NSMCE2: variants seen among roughly 807,000 people sequenced by gnomAD.
NSMCE2 encodes NSE2 SUMO ligase component of SMC5/6 complex.
NSMCE2 carries 24 observed loss-of-function variants against 23.8 expected under a neutral mutation model. That is an observed-to-expected ratio of 1.01 (90% confidence interval 0.73 to 1.42). The LOEUF is 1.42. Among genes scored for constraint, NSMCE2 ranks in the 40% most tolerant of loss-of-function variants. The pLI is 0.00. For missense variants in NSMCE2, 284 were observed against 296.5 expected, an observed-to-expected ratio of 0.96 and a Z score of 0.31; for synonymous variants, 92 against 94.1, an observed-to-expected ratio of 0.98 and a Z score of 0.13.
At chr8:125,360,753 G>A (rs1231032376) in intron 7 of NSMCE2, among the ~76,000 whole-genome samples, 1 of 152,204 alleles carries the variant, frequency 6.6e-6, no homozygotes, top group African/African-American at 2.4e-5. Context: ...GCACATTAGA[G>A]TGATGAGTAT....
rs767225480 is a variant in NSMCE2, at chr8:125,366,904, A to G, written c.*19A>G. 89 of 1,384,644 alleles carry G rather than the reference A, an allele frequency of 6.4e-5. No homozygotes were observed. The highest frequency in any genetic ancestry group is 9.0e-5 in the Non-Finnish European group (87 of 970,792). The allele number at this position is 1,384,644 out of a possible 1,614,324, so 85.8% of individuals were successfully genotyped here. A position where few individuals can be genotyped will look rare whatever the true frequency, so the allele number is the denominator to read the frequency against. ...CGAGTAGGAAAAGCCACCTGCCTGCAGGGACACCAGCAGCCTACCTCCTAC... is the reference window on the plus strand; with the variant it reads ...CGAGTAGGAAAAGCCACCTGCCTGCGGGGACACCAGCAGCCTACCTCCTAC... On this transcript the variant is annotated 3_prime_UTR_variant, in exon 8 of 8. Transcript: ENST00000287437.
At chr8:125,146,680 G>T (rs1163267508) in intron 3 of NSMCE2, among the ~76,000 whole-genome samples, 1 of 152,114 alleles carries the variant, frequency 6.6e-6, no homozygotes, top group African/African-American at 2.4e-5. Flanking sequence ...CTCACTCATA[G>T]GTGGGAATTG....
chr8:125,224,787 G>T (rs763646146), intron 5 of NSMCE2, among the ~76,000 whole-genome samples: 11 of 152,154 alleles, frequency 7.2e-5, no homozygotes, highest in Non-Finnish European at 1.5e-4. Context: ...AGGATATTGA[G>T]GCTCATAAGA....
chr8:125,095,817 G>A (rs1269578188), intron 1 of NSMCE2, among the ~76,000 whole-genome samples: 1 of 149,488 alleles, frequency 6.7e-6, no homozygotes, highest in South Asian at 2.1e-4. Flanking sequence ...GGGAGGCGTA[G>A]GTTGCAGTGA....
At chr8:125,219,285 G>C (rs1009084699) in intron 5 of NSMCE2, among the ~76,000 whole-genome samples, 1 of 152,128 alleles carries the variant, frequency 6.6e-6, no homozygotes, top group African/African-American at 2.4e-5. Flanking sequence ...AATTTATCTG[G>C]CTGGATTCCT....
At chr8:125,190,746 G>A (rs4360308) in intron 5 of NSMCE2, among the ~76,000 whole-genome samples, 9,749 of 152,200 alleles carry the variant, frequency 0.064, 420 homozygotes, top group South Asian at 0.15. Flanking sequence ...ACAGGTCATA[G>A]GCATGCTTTG....
In NSMCE2 at chr8:125,243,291, G is replaced by A. The variant is rs770248123; in HGVS notation, c.418+61035G>A. Reference sequence around the variant, plus strand: ...AGGAAATTCTTACAGTGACAGGATTGTTCTCTGAAGAAGTAGTGCTATGTT... The same window carrying A: ...AGGAAATTCTTACAGTGACAGGATTATTCTCTGAAGAAGTAGTGCTATGTT... On this transcript the variant is annotated intron_variant, in intron 5 of 7. Transcript: ENST00000287437. Among the ~76,000 whole-genome samples the A allele has an allele frequency of 9.5e-4, 144 of 152,286 alleles. 1 individual carries two copies. The highest frequency in any genetic ancestry group is 6.8e-3 in the Middle Eastern group (2 of 292).
chr8:125,111,633 C>T (rs1428483687), intron 3 of NSMCE2, among the ~76,000 whole-genome samples: 1 of 152,120 alleles, frequency 6.6e-6, no homozygotes, highest in Non-Finnish European at 1.5e-5. Context: ...AACCCCATCT[C>T]TACCAAAAAT....
At chr8:125,177,377 A>T (rs952278460) in intron 4 of NSMCE2, among the ~76,000 whole-genome samples, 4 of 152,194 alleles carry the variant, frequency 2.6e-5, no homozygotes, top group African/African-American at 9.7e-5. Flanking sequence ...CTGTTCCTCT[A>T]TACAAATAAA....
chr8:125,350,641 CAAAG>C (rs1288468958), intron 5 of NSMCE2, among the ~76,000 whole-genome samples: 3 of 152,136 alleles, frequency 2.0e-5, no homozygotes, highest in African/African-American at 7.2e-5. Flanking sequence ...TGCTGGCAGG[CAAAG>C]AGAGAGAGAG....
chr8:125,349,775 A>G (rs1230677141), intron 5 of NSMCE2, among the ~76,000 whole-genome samples: 3 of 152,298 alleles, frequency 2.0e-5, no homozygotes, highest in Non-Finnish European at 4.4e-5. Flanking sequence ...TTATGACCAC[A>G]AGACCATGTC....
intron 5 of NSMCE2, among the ~76,000 whole-genome samples, chr8:125,202,762 A>G (rs1207956017): frequency 6.6e-6 from 1 of 152,236 alleles, no homozygotes. Flanking sequence ...TAAAGTTATT[A>G]TCAATTGGCA....
chr8:125,366,283 G>C (rs1013529175), intron 7 of NSMCE2, among the ~76,000 whole-genome samples: 5 of 152,216 alleles, frequency 3.3e-5, no homozygotes, highest in Non-Finnish European at 7.3e-5. Context: ...GCTCACGCCG[G>C]TAATCCCAGC....
rs114066130 is a variant in NSMCE2 at position 125,304,119 on chromosome 8, C to T, written c.419-53100C>T. Among the ~76,000 whole-genome samples the T allele has an allele frequency of 3.4e-3, 523 of 152,290 alleles. 3 individuals are homozygous for T. Among genetic ancestry groups the T allele is most frequent in the African/African-American group, 0.01 (416 of 41,556 alleles). The stretch of plus-strand genomic sequence containing the variant: ...TAAAGTCAAACGTGGCTGTGAATTT[C>T]AGTTTTTGACTGATTTAGACTGTGG... On this transcript the variant is annotated intron_variant, in intron 5 of 7. Transcript: ENST00000287437.
In NSMCE2 at chr8:125,357,779, G is replaced by T. The variant is rs776469721; in HGVS notation, c.587G>T (p.Arg196Leu). The T allele has an allele frequency of 1.2e-6, 2 of 1,613,958 alleles. No individual in the cohort carries two copies. Among genetic ancestry groups the T allele is most frequent in the Non-Finnish European group, 1.7e-6 (2 of 1,179,934 alleles). Reference protein sequence around the residue: ...GHTYEEDAIVRMIESRQKRKK... With the variant: ...GHTYEEDAIVLMIESRQKRKK... ...ACCTATGAAGAGGACGCCATTGTTC[G>T]CATGATTGAGTCCAGGCAAAAGCGG... Residue 196 changes from arginine to leucine, a missense_variant, in exon 7 of 8, where the codon CGC becomes CTC. Arg to Leu is a moderately radical substitution (Grantham distance 102). Around this residue, in one of 2 missense-constraint regions of NSMCE2, gnomAD observed 102 missense variants for 141.0 expected, o/e 0.72. Transcript: ENST00000287437.
intron 3 of NSMCE2, among the ~76,000 whole-genome samples, chr8:125,110,863 GA>G (rs1443063531): frequency 2.0e-5 from 3 of 148,078 alleles, no homozygotes; most frequent in Non-Finnish European, 4.4e-5. Flanking sequence ...TCCTCTCATG[GA>G]GGTCATGTAT....
intron 7 of NSMCE2, among the ~76,000 whole-genome samples, chr8:125,361,681 T>A (rs925562633): frequency 6.6e-5 from 10 of 152,174 alleles, no homozygotes; most frequent in African/African-American, 2.2e-4. Context: ...AAGCACTTAG[T>A]TGAAAGCTCT....
chr8:125,154,792 T>C (rs754984813), intron 4 of NSMCE2, among the ~76,000 whole-genome samples: 2 of 152,178 alleles, frequency 1.3e-5, no homozygotes, highest in African/African-American at 2.4e-5. Context: ...TAATCACTAT[T>C]ACTGCCACGG....
chr8:125,102,454 T>G lies in NSMCE2; in HGVS notation c.124T>G (p.Ser42Ala), dbSNP rs201045583. Residue 42 changes from serine to alanine, a missense_variant, in exon 3 of 8, where the codon TCT (serine) becomes GCT (alanine). Physicochemically the swap from Ser to Ala is moderately conservative, Grantham distance 99. Coordinates refer to ENST00000287437, the MANE Select transcript of NSMCE2 (RefSeq NM_173685.4). ...ACINSGMDTA[S>A]SVALDLVESQ... ...TATCAACTCTGGTATGGACACAGCT[T>G]CTAGTGTTGCTTTGGATCTTGTGGA... The G allele has an allele frequency of 9.9e-5, 160 of 1,613,966 alleles. No individual in the cohort carries two copies. The highest frequency in any genetic ancestry group is 1.3e-4 in the Non-Finnish European group (149 of 1,179,874).
Sources: gnomAD v4.1 joint callset for allele counts (sites outside exome capture counted in the v4.1 genomes callset) on GRCh38, gnomAD v4.1.1 for gene constraint, gnomAD v4.1.1 regional missense constraint, MANE v1.5 for transcripts, NCBI Gene and HGNC (gene_info 2026-07-23, HGNC 2026-07-21) for gene names.